The following SLC23A2 variants were observed in gnomAD, a reference collection of about 807,000 sequenced individuals.
SLC23A2 encodes the protein Na(+)/L-ascorbic acid transporter 2.
Under a neutral mutation model 73.3 loss-of-function variants are expected in SLC23A2, and 36 were observed. The observed-to-expected ratio is 0.49, with a 90% confidence interval of 0.38 to 0.65. The LOEUF (loss-of-function observed/expected upper bound fraction) is 0.65, where lower values mean the gene tolerates loss of function less well. Ranked by LOEUF, SLC23A2 falls within the 30% of genes least tolerant of loss-of-function variation. SLC23A2 has a pLI of 0.00. For missense variants in SLC23A2, 507 were observed against 841.6 expected, an observed-to-expected ratio of 0.60 and a Z score of 4.92; for synonymous variants, 343 against 327.3, an observed-to-expected ratio of 1.05 and a Z score of -0.52.
At position 4,874,169 on chromosome 20, in the gene SLC23A2, C is replaced by G. The variant is rs572257975; in HGVS notation, c.946-77G>C. 2.1e-6 allele frequency: 3 copies of G among 1,397,866 alleles called. 1 individual carries two copies. The highest frequency in any genetic ancestry group is 2.6e-5 in the South Asian group (2 of 76,288). The allele number at this position is 1,397,866 out of a possible 1,614,324, so 86.6% of individuals were successfully genotyped here. On this transcript the variant is annotated intron_variant, in intron 10 of 16. Coordinates refer to ENST00000338244, the MANE Select transcript of SLC23A2 (RefSeq NM_005116.6). ...GGCAAAAAACACGTCTTCCCGCGGT[C>G]GGAATATCACACCCCAGAGCCCACC...
intron 3 of SLC23A2, among the ~76,000 whole-genome samples, chr20:4,914,727 G>C (rs561321468): frequency 6.6e-6 from 1 of 152,268 alleles, no homozygotes; most frequent in African/African-American, 2.4e-5. Flanking sequence ...CACTCATTTA[G>C]AGGAGATAAT....
In SLC23A2 at chr20:4,862,702, G is replaced by A. The variant is rs200312870; in HGVS notation, c.1486+76C>T. 2 of 1,307,184 alleles carry A rather than the reference G, an allele frequency of 1.5e-6. No homozygotes were observed. Among genetic ancestry groups the A allele is most frequent in the Admixed American group, 4.0e-5 (2 of 49,494 alleles). The allele number at this position is 1,307,184 out of a possible 1,614,324, so 81.0% of individuals were successfully genotyped here. A position where few individuals can be genotyped will look rare whatever the true frequency, so the allele number is the denominator to read the frequency against. Reference sequence around the variant, plus strand: ...ATTTATCGTTACCTTCTTACTGAAGGGAGTCAGCAAAAACACCATGACCCC... The same window carrying A: ...ATTTATCGTTACCTTCTTACTGAAGAGAGTCAGCAAAAACACCATGACCCC... On this transcript the variant is annotated intron_variant, in intron 14 of 16. Coordinates refer to ENST00000338244, the MANE Select transcript of SLC23A2 (RefSeq NM_005116.6). The surrounding 1 kb of genome is among the most constrained non-coding windows in gnomAD (Gnocchi z 5.1).
At chr20:4,994,207 G>C (rs2087979508) in intron 1 of SLC23A2, among the ~76,000 whole-genome samples, 1 of 152,182 alleles carries the variant, frequency 6.6e-6, no homozygotes, top group South Asian at 2.1e-4. Context: ...TCTTGAGTGA[G>C]CTTGGCTGTG....
At chr20:4,884,956 C>T (rs35589475) in intron 7 of SLC23A2, 133 bp from the exon 8 acceptor site, 31,257 of 556,090 alleles carry the variant, frequency 0.056, 1,170 homozygotes, top group South Asian at 0.067. Flanking sequence ...AAAATTCAAC[C>T]TCCAACAGTA....
At chr20:4,975,671 G>A (rs1449215831) in intron 1 of SLC23A2, among the ~76,000 whole-genome samples, 4 of 149,136 alleles carry the variant, frequency 2.7e-5, no homozygotes, top group Admixed American at 6.7e-5. Flanking sequence ...GTGAGCCACC[G>A]TGCCCCGCCT....
chr20:4,979,383 A>C (rs1445339842), intron 1 of SLC23A2, among the ~76,000 whole-genome samples: 1 of 152,128 alleles, frequency 6.6e-6, no homozygotes, highest in Non-Finnish European at 1.5e-5. Context: ...CTAAACACCA[A>C]AAGCGCCCAA....
intron 13 of SLC23A2, among the ~76,000 whole-genome samples, chr20:4,866,257 A>T (rs1439185755): frequency 6.6e-6 from 1 of 152,262 alleles, no homozygotes; most frequent in Non-Finnish European, 1.5e-5. Context: ...AAGTTTGTAC[A>T]TGCTCACCCA....
chr20:5,002,287 G>A (rs541261028), upstream of SLC23A2, among the ~76,000 whole-genome samples: 2 of 152,320 alleles, frequency 1.3e-5, no homozygotes, highest in African/African-American at 4.8e-5. Flanking sequence ...CTGGAGGTCT[G>A]GCGTGAGGCT....
chr20:4,981,789 C>A (rs985293696), intron 1 of SLC23A2, among the ~76,000 whole-genome samples: 1 of 151,882 alleles, frequency 6.6e-6, no homozygotes, highest in Non-Finnish European at 1.5e-5. Flanking sequence ...ACAACCTCCA[C>A]CCCCCAGGTT....
At chr20:4,996,914 C>T (rs1470989763) in intron 1 of SLC23A2, among the ~76,000 whole-genome samples, 1 of 152,092 alleles carries the variant, frequency 6.6e-6, no homozygotes, top group Admixed American at 6.6e-5. Flanking sequence ...GGATGACCTT[C>T]CCCAAAAATC....
At chr20:4,944,334 G>A (rs749330943) in intron 2 of SLC23A2, among the ~76,000 whole-genome samples, 7 of 152,142 alleles carry the variant, frequency 4.6e-5, no homozygotes, top group Non-Finnish European at 8.8e-5. Flanking sequence ...CCACCTCCCG[G>A]GTTCAAACAA....
chr20:4,861,959 G>A lies in SLC23A2; in HGVS notation c.1613C>T (p.Pro538Leu). 1 of 1,614,164 alleles carries A rather than the reference G, an allele frequency of 6.2e-7. No individual in the cohort carries two copies. The highest frequency in any genetic ancestry group is 8.5e-7 in the Non-Finnish European group (1 of 1,180,022). ...GCCCATTTCCTCACCTGTGACCAGAGGGTTCTGTCTGAGGTAACTTGGAAG... is the reference window on the plus strand; with the variant it reads ...GCCCATTTCCTCACCTGTGACCAGAAGGTTCTGTCTGAGGTAACTTGGAAG... ...LVLPSYLRQN[P>L]LVTGITGIDQ... Residue 538 changes from proline to leucine, a missense_variant, in exon 15 of 17, where the codon CCT becomes CTT. Around this residue, in one of 5 missense-constraint regions of SLC23A2, gnomAD observed 168 missense variants for 302.3 expected, o/e 0.56. Coordinates refer to ENST00000338244, the MANE Select transcript of SLC23A2 (RefSeq NM_005116.6).
chr20:4,898,817 A>G (rs948145539), intron 6 of SLC23A2, among the ~76,000 whole-genome samples: 4 of 152,224 alleles, frequency 2.6e-5, no homozygotes, highest in Non-Finnish European at 4.4e-5. Context: ...AACAAAAAGG[A>G]CAAACTGGAA....
intron 6 of SLC23A2, among the ~76,000 whole-genome samples, chr20:4,896,504 T>C (rs1931528355): frequency 6.6e-6 from 1 of 152,068 alleles, no homozygotes; most frequent in Non-Finnish European, 1.5e-5. Context: ...CCAAAGGCTC[T>C]CTCTAAGCCG....
chr20:4,958,571 A>G (rs1308681998), intron 2 of SLC23A2, among the ~76,000 whole-genome samples: 2 of 150,670 alleles, frequency 1.3e-5, no homozygotes, highest in African/African-American at 4.9e-5. Flanking sequence ...TTTTTTTTTG[A>G]GACCGGGTTA....
At chr20:4,870,342 G>A (rs887544602) in intron 11 of SLC23A2, among the ~76,000 whole-genome samples, 1 of 152,180 alleles carries the variant, frequency 6.6e-6, no homozygotes, top group Non-Finnish European at 1.5e-5. Flanking sequence ...ACTTTGGGAG[G>A]CCGAGGCAGG....
chr20:4,866,996 A>T (rs980542689), intron 13 of SLC23A2, among the ~76,000 whole-genome samples: 1 of 135,502 alleles, frequency 7.4e-6, no homozygotes, highest in African/African-American at 2.9e-5. Context: ...TTGGGATCCC[A>T]TTTCTACCTT....
chr20:4,879,777 G>A (rs913704659), intron 9 of SLC23A2, among the ~76,000 whole-genome samples: 9 of 152,186 alleles, frequency 5.9e-5, no homozygotes, highest in Admixed American at 1.3e-4. Flanking sequence ...TTGAAATGAC[G>A]CATTATGCCT....
intron 1 of SLC23A2, among the ~76,000 whole-genome samples, chr20:4,993,307 C>CA (rs35872510): frequency 0.75 from 92,330 of 123,036 alleles, 34,990 homozygotes; most frequent in South Asian, 0.8. Flanking sequence ...GACTCCGTCT[C>CA]AAAAAAAAAA....
Sources: gnomAD v4.1 joint callset for allele counts (sites outside exome capture counted in the v4.1 genomes callset) on GRCh38, gnomAD v4.1.1 for gene constraint, gnomAD v4.1.1 regional missense constraint, Gnocchi (gnomAD v3.1) non-coding constraint, MANE v1.5 for transcripts, NCBI Gene and HGNC (gene_info 2026-07-23, HGNC 2026-07-21) for gene names.